The following RBFOX1 variants were observed in gnomAD, a reference collection of about 807,000 sequenced individuals.
The protein encoded by RBFOX1 is RNA binding protein fox-1 homolog 1.
RBFOX1 carries 8 observed loss-of-function variants against 57.7 expected under a neutral mutation model. That is an observed-to-expected ratio of 0.14 (90% CI 0.08 to 0.25). The LOEUF (loss-of-function observed/expected upper bound fraction) is 0.25. Among genes scored for constraint, RBFOX1 ranks in the 10% least tolerant of loss-of-function variants. RBFOX1 has a pLI of 1.00. For synonymous variants in RBFOX1, 326 were observed against 222.4 expected (o/e 1.47, Z -4.15); for missense variants, 611 against 548.5 (o/e 1.11, Z -1.14).
rs111917166 is a variant in RBFOX1, at chr16:6,465,884, T to TTGTG, written c.-64+148843_-64+148846dup. The stretch of plus-strand genomic sequence containing the variant: ...TTGGAAACTAAATACATTTGTGTGT[T>TTGTG]TGTGTGTGTGTGTGTGTGTTCTTTA... On this transcript the variant is annotated intron_variant, in intron 2 of 15. Transcript: ENST00000550418. 7.7e-4 allele frequency among the ~76,000 whole-genome samples: 113 copies of TTGTG among 146,312 alleles called. 1 individual carries two copies. Among genetic ancestry groups the TTGTG allele is most frequent in the East Asian group, 1.3e-3 (6 of 4,724 alleles).
intron 2 of RBFOX1, among the ~76,000 whole-genome samples, chr16:6,584,825 C>G (rs868005627): frequency 1.3e-5 from 2 of 152,178 alleles, no homozygotes; most frequent in African/African-American, 4.8e-5. Context: ...GTTTTGCCAG[C>G]AGCCTCCAGC....
intron 5 of RBFOX1, among the ~76,000 whole-genome samples, chr16:7,537,942 C>G (rs1353088292): frequency 3.3e-5 from 5 of 152,112 alleles, no homozygotes; most frequent in Admixed American, 6.5e-5. Context: ...GGCATTGATC[C>G]CAATTAAATT....
At chr16:6,139,201 G>A (rs1212029037) in intron 1 of RBFOX1, among the ~76,000 whole-genome samples, 1 of 152,098 alleles carries the variant, frequency 6.6e-6, no homozygotes, top group East Asian at 1.9e-4. Flanking sequence ...TGAATCCAAG[G>A]ACATCCCCTC....
intron 3 of RBFOX1, among the ~76,000 whole-genome samples, chr16:6,805,977 C>A (rs1053910483): frequency 2.0e-5 from 3 of 152,154 alleles, no homozygotes; most frequent in Non-Finnish European, 2.9e-5. Context: ...GGAGGAGTTA[C>A]CTTTTGTGAG....
intron 11 of RBFOX1, among the ~76,000 whole-genome samples, chr16:7,636,790 C>G (rs1376902066): frequency 6.6e-6 from 1 of 152,098 alleles, no homozygotes; most frequent in Non-Finnish European, 1.5e-5. Context: ...TCTTGGCTTA[C>G]AGATGGCCAC....
chr16:7,555,419 A>C (rs2088046087), intron 5 of RBFOX1, among the ~76,000 whole-genome samples: 1 of 152,200 alleles, frequency 6.6e-6, no homozygotes, highest in East Asian at 1.9e-4. Flanking sequence ...TGATAAATGC[A>C]CGTAGTTGGG....
At chr16:6,282,857 A>G (rs1040666819) in intron 1 of RBFOX1, among the ~76,000 whole-genome samples, 1 of 152,224 alleles carries the variant, frequency 6.6e-6, no homozygotes, top group Non-Finnish European at 1.5e-5. Flanking sequence ...AGCATTTGTT[A>G]TTTGCCAACT....
At chr16:5,688,313 A>AT (rs1354790573) in intron 3 of RBFOX1, among the ~76,000 whole-genome samples, 1 of 152,160 alleles carries the variant, frequency 6.6e-6, no homozygotes, top group Non-Finnish European at 1.5e-5. Context: ...AGAAAAAAGC[A>AT]TTTTTTGCAT....
intron 1 of RBFOX1, among the ~76,000 whole-genome samples, chr16:5,409,802 C>T (rs1335787022): frequency 6.6e-6 from 1 of 152,132 alleles, no homozygotes; most frequent in Non-Finnish European, 1.5e-5. Flanking sequence ...GTAATCCCAG[C>T]ACTTTGGGAG....
intron 4 of RBFOX1, among the ~76,000 whole-genome samples, chr16:7,486,373 TCCAC>T (rs2065398708): frequency 6.6e-6 from 1 of 151,964 alleles, no homozygotes; most frequent in Admixed American, 6.6e-5. Flanking sequence ...CCTCGAGTGA[TCCAC>T]CCTGTCCCCC....
chr16:5,957,130 T>C (rs1054923138), intron 4 of RBFOX1, among the ~76,000 whole-genome samples: 6 of 152,234 alleles, frequency 3.9e-5, no homozygotes, highest in Non-Finnish European at 8.8e-5. Context: ...ACCAGCACAC[T>C]GTTGGACCAA....
At chr16:6,163,242 A>G (rs192222405) in intron 1 of RBFOX1, among the ~76,000 whole-genome samples, 10 of 152,344 alleles carry the variant, frequency 6.6e-5, no homozygotes, top group African/African-American at 2.4e-4. Context: ...CCAAAATACA[A>G]ATAGAGTGTT....
intron 4 of RBFOX1, among the ~76,000 whole-genome samples, chr16:7,385,919 C>CTTTTTTATTTATTTAT (rs57254482): frequency 8.3e-4 from 112 of 135,238 alleles, no homozygotes; most frequent in African/African-American, 2.0e-3. Flanking sequence ...TGCCCAGTTA[C>CTTTTTTATTTATTTAT]TTATTTATTT....
At chr16:6,208,392 C>T (rs1459400161) in intron 1 of RBFOX1, among the ~76,000 whole-genome samples, 3 of 147,920 alleles carry the variant, frequency 2.0e-5, no homozygotes, top group East Asian at 2.0e-4. Flanking sequence ...GGGTAGAAGC[C>T]GTTTATTTAT....
chr16:7,475,377 C>G (rs982406592), intron 4 of RBFOX1, among the ~76,000 whole-genome samples: 1 of 149,834 alleles, frequency 6.7e-6, no homozygotes, highest in Non-Finnish European at 1.5e-5. Flanking sequence ...TGCAGTGGCG[C>G]GATCTCGGCT....
rs542481214 is a variant in RBFOX1, at chr16:7,701,661, G to A, written c.996-7395G>A. ...ACTTCAGTATCTTGAGAAGCTTTGA[G>A]GATAAGTGAGCTTGGTCATCCCTAT... On this transcript the variant is annotated intron_variant, in intron 14 of 15. Transcript: ENST00000550418. Among the ~76,000 whole-genome samples the A allele has an allele frequency of 2.6e-5, 4 of 152,294 alleles. No homozygotes were observed. The South Asian group carries it at 8.3e-4, about 32-fold the overall frequency.
At chr16:7,490,672 G>A (rs35534487) in intron 4 of RBFOX1, among the ~76,000 whole-genome samples, 42,658 of 152,108 alleles carry the variant, frequency 0.28, 6,479 homozygotes, top group South Asian at 0.43. Flanking sequence ...TATGGTCTGT[G>A]CTAGTTCATA....
At chr16:6,650,202 G>A (rs1283860013) in intron 2 of RBFOX1, among the ~76,000 whole-genome samples, 2 of 152,158 alleles carry the variant, frequency 1.3e-5, no homozygotes, top group African/African-American at 4.8e-5. Flanking sequence ...GATGCTGCTG[G>A]TTGGAGAGTC....
intron 3 of RBFOX1, among the ~76,000 whole-genome samples, chr16:6,988,744 T>TTG (rs374299137): frequency 8.0e-4 from 19 of 23,638 alleles, no homozygotes; most frequent in African/African-American, 2.6e-3. Context: ...TTTTTTTTTG[T>TTG]TTGTTTGTTT....
Sources: gnomAD v4.1 joint callset for allele counts (sites outside exome capture counted in the v4.1 genomes callset) on GRCh38, gnomAD v4.1.1 for gene constraint, MANE v1.5 for transcripts, NCBI Gene and HGNC (gene_info 2026-07-23, HGNC 2026-07-21) for gene names.